Variants in RTN3 observed in about 807,000 individuals in gnomAD.
RTN3 encodes the protein reticulon-3.
In RTN3, 49 loss-of-function variants were observed where a neutral mutation model predicts 77.8. The ratio of observed to expected loss-of-function variants is 0.63; its 90% CI spans 0.50 to 0.80. The LOEUF is 0.80. Among genes scored for constraint, RTN3 ranks in the 30% least tolerant of loss-of-function variants. The pLI is 0.00. For synonymous variants in RTN3, 464 were observed against 446.9 expected (o/e 1.04, Z -0.48); for missense variants, 1,236 against 1,211.9 (o/e 1.02, Z -0.29).
intron 7 of RTN3, 30 bp from the exon 8 acceptor site, chr11:63,756,082 C>T: frequency 6.4e-7 from 1 of 1,558,022 alleles, no homozygotes; most frequent in Non-Finnish European, 8.9e-7. Context: ...TGTATGTTAC[C>T]ACAACTGAAT....
chr11:63,736,973 C>CTTT (rs542211160), intron 3 of RTN3, among the ~76,000 whole-genome samples: 4 of 140,684 alleles, frequency 2.8e-5, no homozygotes, highest in Non-Finnish European at 3.1e-5. Flanking sequence ...TCATAGAATC[C>CTTT]TTTTTTTTTT....
intron 2 of RTN3, among the ~76,000 whole-genome samples, chr11:63,717,941 G>A (rs1427868745): frequency 6.6e-6 from 1 of 151,656 alleles, no homozygotes; most frequent in Non-Finnish European, 1.5e-5. Flanking sequence ...CTTGAACCTG[G>A]GAGGTGGAGG....
intron 1 of RTN3, among the ~76,000 whole-genome samples, chr11:63,684,617 T>A (rs1346637451): frequency 6.6e-6 from 1 of 151,894 alleles, no homozygotes; most frequent in African/African-American, 2.4e-5. Context: ...TTAGTAAAAT[T>A]TTATTACAGA....
chr11:63,756,133 G>A lies in RTN3; in HGVS notation c.3016G>A (p.Gly1006Ser). ...AAAGACCCAGATTGATCACTATGTTGGCATCGCCCGAGATCAGACCAAGTC... is the reference window on the plus strand; with the variant it reads ...AAAGACCCAGATTGATCACTATGTTAGCATCGCCCGAGATCAGACCAAGTC... ...KYKTQIDHYV[G>S]IARDQTKSIV... The change falls in exon 8 of 9, where the codon GGC becomes AGC. Residue 1006 changes from glycine (G) to serine (S), a missense_variant. Physicochemically the swap from Gly to Ser is moderately conservative, Grantham distance 56. Transcript: ENST00000377819. 6.2e-7 allele frequency: 1 copy of A among 1,613,072 alleles called. No individual in the cohort carries two copies. The highest frequency in any genetic ancestry group is 8.5e-7 in the Non-Finnish European group (1 of 1,179,160).
intron 3 of RTN3, among the ~76,000 whole-genome samples, chr11:63,735,103 T>A (rs520241): frequency 1.3e-5 from 2 of 152,102 alleles, no homozygotes; most frequent in East Asian, 3.9e-4. Flanking sequence ...CTCTGCTCAT[T>A]GTAACCTCCG....
chr11:63,750,544 C>A (rs1449166575), intron 4 of RTN3: 1 of 217,164 alleles, frequency 4.6e-6, no homozygotes, highest in Non-Finnish European at 9.3e-6. Flanking sequence ...CCTCTGCCTC[C>A]CAGGTGAAAG....
chr11:63,694,078 T>G (rs921456322), intron 1 of RTN3, among the ~76,000 whole-genome samples: 4 of 151,912 alleles, frequency 2.6e-5, no homozygotes, highest in African/African-American at 9.7e-5. Context: ...GCACTACCAC[T>G]GCACTCCATC....
At chr11:63,695,741 T>C (rs541269474) in intron 1 of RTN3, among the ~76,000 whole-genome samples, 2 of 152,242 alleles carry the variant, frequency 1.3e-5, no homozygotes, top group Admixed American at 1.3e-4. Context: ...CAGAGTCTTA[T>C]TAAAACTGTC....
intron 3 of RTN3, among the ~76,000 whole-genome samples, chr11:63,742,163 T>C (rs1437606046): frequency 6.6e-6 from 1 of 151,014 alleles, no homozygotes; most frequent in Non-Finnish European, 1.5e-5. Flanking sequence ...GTATTTTTAG[T>C]AGAGATGGGG....
At chr11:63,755,671 A>T (rs1056150457) in intron 7 of RTN3, among the ~76,000 whole-genome samples, 4 of 146,964 alleles carry the variant, frequency 2.7e-5, no homozygotes, top group African/African-American at 1.0e-4. Context: ...AAAAAAAAAA[A>T]AAAAAAGGCT....
At chr11:63,703,481 A>G (rs1298103506) in intron 1 of RTN3, among the ~76,000 whole-genome samples, 1 of 152,128 alleles carries the variant, frequency 6.6e-6, no homozygotes, top group African/African-American at 2.4e-5. Flanking sequence ...TGATAGGTGT[A>G]ACTTTAGAGT....
intron 3 of RTN3, among the ~76,000 whole-genome samples, chr11:63,727,344 C>T (rs1283033179): frequency 6.6e-6 from 1 of 152,040 alleles, no homozygotes; most frequent in Non-Finnish European, 1.5e-5. Flanking sequence ...AAGAGACAAT[C>T]GATAGAAACT....
chr11:63,753,009 A>G (rs961085401), intron 5 of RTN3, 60 bp from the exon 6 acceptor site: 1 of 1,438,086 alleles, frequency 7.0e-7, no homozygotes, highest in Admixed American at 1.7e-5. Flanking sequence ...GAATGACATC[A>G]GTTAATGTGA....
chr11:63,746,681 G>T lies in RTN3; in HGVS notation c.2531-3310G>T, dbSNP rs568487774. 3.3e-5 allele frequency among the ~76,000 whole-genome samples: 5 copies of T among 152,014 alleles called. No homozygotes were observed. In the East Asian group the frequency reaches 9.7e-4, roughly 29 times the overall value. ...GGGCACCCGCCACCACGCCCAGCTA[G>T]TGTTTTGTATTTTTAGTAGAGACGG... is the stretch of plus-strand genomic sequence containing the variant. On this transcript the variant is annotated intron_variant, in intron 3 of 8. Transcript: ENST00000377819.
intron 3 of RTN3, among the ~76,000 whole-genome samples, chr11:63,743,945 G>A (rs2013638181): frequency 6.6e-6 from 1 of 150,944 alleles, no homozygotes; most frequent in African/African-American, 2.4e-5. Flanking sequence ...GATGAAGGAA[G>A]ATAAAGGTGG....
chr11:63,725,973 A>G (rs1590847155), intron 3 of RTN3, among the ~76,000 whole-genome samples: 1 of 152,184 alleles, frequency 6.6e-6, no homozygotes, highest in African/African-American at 2.4e-5. Context: ...TGGAATGAAA[A>G]GAGTTACCAA....
chr11:63,700,615 T>A lies in RTN3; in HGVS notation c.143-4236T>A, dbSNP rs189257609. ...CCTGCCCCCATCCTTTTTATTTTTT[T>A]TTTTTTGAGATGGAGTCTCACTTTG... On this transcript the variant is annotated intron_variant, in intron 1 of 8. Coordinates refer to ENST00000377819, the MANE Select transcript of RTN3 (RefSeq NM_001265589.2). Among the ~76,000 whole-genome samples, 662 of 151,426 alleles carry A rather than the reference T, an allele frequency of 4.4e-3. 2 individuals carry two copies. The highest frequency in any genetic ancestry group is 0.01 in the Middle Eastern group (3 of 294).
Position 63,719,158 on chromosome 11 carries a change from AG to A in RTN3, c.658del (p.Val220Ter). ...CAGAAACCACCTACTGAGTACTCTAAGGTAGAAGGCATTTATACATATTCTT... is the reference window on the plus strand; with the variant it reads ...CAGAAACCACCTACTGAGTACTCTAAGTAGAAGGCATTTATACATATTCTT... ...TAQKPPTEYS[K>X]VEGIYTYSLS... On this transcript the variant is annotated frameshift_variant, in exon 3 of 9. Coordinates refer to ENST00000377819, the MANE Select transcript of RTN3 (RefSeq NM_001265589.2). LOFTEE classifies it high-confidence loss of function. 2 of 1,614,214 alleles carry A rather than the reference AG, an allele frequency of 1.2e-6. No individual in the cohort carries two copies. The highest frequency in any genetic ancestry group is 1.7e-6 in the Non-Finnish European group (2 of 1,180,040).
At chr11:63,721,879 AGGT>A (rs2011838296) in intron 3 of RTN3, among the ~76,000 whole-genome samples, 2 of 152,200 alleles carry the variant, frequency 1.3e-5, no homozygotes, top group Non-Finnish European at 2.9e-5. Context: ...CTCTGAAAGT[AGGT>A]AACCAGTATT....
Sources: gnomAD v4.1 joint callset for allele counts (sites outside exome capture counted in the v4.1 genomes callset) on GRCh38, gnomAD v4.1.1 for gene constraint, MANE v1.5 for transcripts, NCBI Gene and HGNC (gene_info 2026-07-23, HGNC 2026-07-21) for gene names.